PLCB4: variants seen among roughly 807,000 people sequenced by gnomAD.
PLCB4 encodes phospholipase C beta 4.
In PLCB4, 77 loss-of-function variants were observed where a neutral mutation model predicts 178.8. The ratio of observed to expected loss-of-function variants is 0.43; its 90% CI spans 0.36 to 0.52. PLCB4 has a LOEUF of 0.52. Ranked by LOEUF, PLCB4 falls within the 20% of genes least tolerant of loss-of-function variation. The probability of loss-of-function intolerance (pLI) is 0.00; values close to 1 mark genes in which losing one functional copy is unlikely to be tolerated. For missense variants in PLCB4, 1,024 were observed against 1,453.4 expected (o/e 0.70, Z 4.80); for synonymous variants, 496 against 490.8 (o/e 1.01, Z -0.14).
At chr20:9,467,231 A>T (rs1568903020) in intron 35 of PLCB4, among the ~76,000 whole-genome samples, 1 of 152,186 alleles carries the variant, frequency 6.6e-6, no homozygotes, top group Non-Finnish European at 1.5e-5. Flanking sequence ...TTGAACAGTG[A>T]GAACACTTGG....
intron 4 of PLCB4, among the ~76,000 whole-genome samples, chr20:9,333,004 C>T (rs781153716): frequency 2.0e-5 from 3 of 152,210 alleles, no homozygotes; most frequent in Admixed American, 6.5e-5. Context: ...ACGGCCTCAA[C>T]CAGTGCCCTT....
intron 3 of PLCB4, among the ~76,000 whole-genome samples, chr20:9,259,511 T>C (rs2094274751): frequency 6.6e-6 from 1 of 152,008 alleles, no homozygotes; most frequent in Non-Finnish European, 1.5e-5. Flanking sequence ...CTCAGTTTGG[T>C]GAATTAAGAA....
intron 2 of PLCB4, among the ~76,000 whole-genome samples, chr20:9,169,833 A>G (rs2093034869): frequency 6.6e-6 from 1 of 152,146 alleles, no homozygotes; most frequent in Non-Finnish European, 1.5e-5. Flanking sequence ...AGATTCTACC[A>G]TGAACACTTT....
chr20:9,337,061 A>G (rs2032567468), intron 4 of PLCB4, 65 bp from the exon 5 acceptor site: 2 of 1,001,906 alleles, frequency 2.0e-6, no homozygotes, highest in Admixed American at 1.7e-5. Context: ...GCTCAGCAAT[A>G]TTTTCATTTT....
intron 2 of PLCB4, among the ~76,000 whole-genome samples, chr20:9,151,623 T>C (rs973801766): frequency 6.6e-6 from 1 of 152,148 alleles, no homozygotes; most frequent in Admixed American, 6.5e-5. Flanking sequence ...TCCCCAGCCA[T>C]GTGGAACTGT....
At chr20:9,198,275 C>A (rs979089238) in intron 2 of PLCB4, among the ~76,000 whole-genome samples, 1 of 152,188 alleles carries the variant, frequency 6.6e-6, no homozygotes, top group African/African-American at 2.4e-5. Context: ...CATTCCCCCC[C>A]TCTCAAAACA....
chr20:9,423,754 C>T lies in PLCB4; in HGVS notation c.2326C>T (p.Leu776=). Residue 776 remains leucine (L), a synonymous_variant, in exon 28 of 40, where the codon CTG becomes TTG. Transcript: ENST00000378473. Reference sequence around the variant, plus strand: ...AGTCCTGTTCTGTTTGCAGGTGATCCTGCCGGACCTGGCTGTCTTGAGAAT... The same window carrying T: ...AGTCCTGTTCTGTTTGCAGGTGATCTTGCCGGACCTGGCTGTCTTGAGAAT... ...EESFVFRKVI[L]PDLAVLRIAV... 1.2e-6 allele frequency: 2 copies of T among 1,613,426 alleles called. No individual in the cohort carries two copies. Among genetic ancestry groups the T allele is most frequent in the Non-Finnish European group, 1.7e-6 (2 of 1,179,626 alleles).
chr20:9,068,782 C>A (rs1047426958), upstream of PLCB4: 2 of 151,484 alleles, frequency 1.3e-5, no homozygotes, highest in Admixed American at 1.3e-4. Context: ...AAGCGGCTGG[C>A]CGCTGAGGGG....
intron 3 of PLCB4, among the ~76,000 whole-genome samples, chr20:9,228,903 AT>A (rs1223693237): frequency 3.9e-5 from 6 of 152,186 alleles, no homozygotes; most frequent in African/African-American, 1.4e-4. Flanking sequence ...TGAGAAGCAG[AT>A]TCCTAAGAGG....
At chr20:9,307,730 C>A (rs929866780) in intron 3 of PLCB4, 70 bp from the exon 4 acceptor site, 2 of 616,574 alleles carry the variant, frequency 3.2e-6, no homozygotes, top group Admixed American at 3.2e-5. Flanking sequence ...CACAGAAATG[C>A]GAAGTGATTA....
At chr20:9,312,388 ACACACACACG>A (rs1267589544) in intron 4 of PLCB4, among the ~76,000 whole-genome samples, 1 of 146,026 alleles carries the variant, frequency 6.8e-6, no homozygotes, top group African/African-American at 2.6e-5. Context: ...ACACACACAC[ACACACACACG>A]CACGCACTCA....
At chr20:9,455,944 T>C (rs1178668602) in intron 33 of PLCB4, among the ~76,000 whole-genome samples, 2 of 152,184 alleles carry the variant, frequency 1.3e-5, no homozygotes, top group East Asian at 1.9e-4. Flanking sequence ...CAAGCAATCG[T>C]CCTGCCTCGG....
intron 4 of PLCB4, among the ~76,000 whole-genome samples, chr20:9,323,901 G>A (rs973542711): frequency 4.6e-5 from 7 of 152,256 alleles, no homozygotes; most frequent in African/African-American, 1.4e-4. Context: ...TTCCTCCCCA[G>A]TTCTCCCTGC....
intron 38 of PLCB4, 26 bp from the exon 39 acceptor site, chr20:9,476,691 T>C: frequency 6.4e-7 from 1 of 1,559,144 alleles, no homozygotes; most frequent in Middle Eastern, 1.7e-4. Context: ...GACTCAATTT[T>C]GACATTACTA....
chr20:9,349,651 A>G (rs1731012376), intron 7 of PLCB4, among the ~76,000 whole-genome samples: 5 of 152,150 alleles, frequency 3.3e-5, no homozygotes, highest in Admixed American at 3.3e-4. Context: ...GAGACTGTAG[A>G]CCCAGCCCAG....
chr20:9,120,699 T>C (rs2091933168), intron 2 of PLCB4, among the ~76,000 whole-genome samples: 1 of 152,106 alleles, frequency 6.6e-6, no homozygotes, highest in Non-Finnish European at 1.5e-5. Context: ...GGAAGCACCA[T>C]TCTGATCCCA....
intron 7 of PLCB4, among the ~76,000 whole-genome samples, chr20:9,356,771 C>A (rs947262551): frequency 3.9e-5 from 6 of 152,140 alleles, no homozygotes; most frequent in African/African-American, 2.4e-5. Flanking sequence ...ATTTAGGCAC[C>A]TTGAAAGTAG....
At chr20:9,436,163 T>A (rs1027295882) in intron 29 of PLCB4, among the ~76,000 whole-genome samples, 1 of 152,210 alleles carries the variant, frequency 6.6e-6, no homozygotes, top group African/African-American at 2.4e-5. Context: ...CTGTTTAGAC[T>A]TGGGTCCCAT....
chr20:9,417,522 T>TTATTTACATTACATTA (rs1266524457), intron 25 of PLCB4, among the ~76,000 whole-genome samples: 3 of 152,194 alleles, frequency 2.0e-5, no homozygotes, highest in Non-Finnish European at 2.9e-5. Flanking sequence ...TTGTAATGTG[T>TTATTTACATTACATTA]ATCAATACTT....
Sources: gnomAD v4.1 joint callset for allele counts (sites outside exome capture counted in the v4.1 genomes callset) on GRCh38, gnomAD v4.1.1 for gene constraint, MANE v1.5 for transcripts, NCBI Gene and HGNC (gene_info 2026-07-23, HGNC 2026-07-21) for gene names.